Variants in PCDHGA12 observed in about 807,000 individuals in gnomAD.
PCDHGA12 encodes protocadherin gamma-A12.
A neutral mutation model predicts 61.1 loss-of-function variants in PCDHGA12; 43 were observed. That is an observed-to-expected ratio of 0.70 (90% confidence interval 0.55 to 0.91). The LOEUF is 0.91. PCDHGA12 is among the 40% of genes least tolerant of loss of function. The probability of loss-of-function intolerance (pLI) is 0.00; values close to 1 mark genes in which losing one functional copy is unlikely to be tolerated. For missense variants in PCDHGA12, 1,236 were observed against 1,227.7 expected (o/e 1.01, Z -0.10); for synonymous variants, 520 against 542.9 (o/e 0.96, Z 0.59).
At chr5:141,472,408 G>T (rs780468341) in intron 1 of PCDHGA12, among the ~76,000 whole-genome samples, 1 of 152,064 alleles carries the variant, frequency 6.6e-6, no homozygotes, top group Non-Finnish European at 1.5e-5. Flanking sequence ...AGGCGTGGTG[G>T]CACGCACCTG....
intron 1 of PCDHGA12, chr5:141,478,777 C>T: frequency 6.7e-7 from 1 of 1,488,806 alleles, no homozygotes. Context: ...CATCTGTGGA[C>T]CTAATTCACA....
Position 141,476,443 on chromosome 5 carries a change from G to A in PCDHGA12, c.2425-18364G>A, listed in dbSNP as rs752285213. 1 of 1,614,044 alleles carries A rather than the reference G, an allele frequency of 6.2e-7. No individual in the cohort carries two copies. The highest frequency in any genetic ancestry group is 8.5e-7 in the Non-Finnish European group (1 of 1,180,038). ...TGCCCTCTTGCACTGTAACTCTGGAGTTGGTAGTGGAGAACCCGCTGGAGC... is the reference window on the plus strand; with the variant it reads ...TGCCCTCTTGCACTGTAACTCTGGAATTGGTAGTGGAGAACCCGCTGGAGC... On this transcript the variant is annotated intron_variant, in intron 1 of 3. Transcript: ENST00000252085. This position sits in a 1 kb window ranked among gnomAD's most constrained non-coding sequence, Gnocchi z 7.6.
At chr5:141,461,740 G>T (rs770518286) in intron 1 of PCDHGA12, among the ~76,000 whole-genome samples, 1 of 152,072 alleles carries the variant, frequency 6.6e-6, no homozygotes, top group African/African-American at 2.4e-5. Context: ...GCACAATCCC[G>T]GCTCCCAGAT....
chr5:141,463,764 G>A (rs2099069094), intron 1 of PCDHGA12, among the ~76,000 whole-genome samples: 1 of 151,916 alleles, frequency 6.6e-6, no homozygotes. Flanking sequence ...TTCTCTTATG[G>A]GTTAGAATCC....
In PCDHGA12 at chr5:141,476,659, G is replaced by A; in HGVS notation, c.2425-18148G>A. On this transcript the variant is annotated intron_variant, in intron 1 of 3. Coordinates refer to ENST00000252085, the MANE Select transcript of PCDHGA12 (RefSeq NM_003735.3). The surrounding 1 kb of genome is among the most constrained non-coding windows in gnomAD (Gnocchi z 7.6). ...AGCTGAGCCGAAATGAATACTTTGC[G>A]CTTCGCGTGCAGACGCGGGAGGACA... 2 of 1,614,252 alleles carry A rather than the reference G, an allele frequency of 1.2e-6. No homozygotes were observed. Among genetic ancestry groups the A allele is most frequent in the Non-Finnish European group, 8.5e-7 (1 of 1,180,048 alleles).
chr5:141,434,253 G>C (rs979768901), intron 1 of PCDHGA12, among the ~76,000 whole-genome samples: 9 of 152,198 alleles, frequency 5.9e-5, no homozygotes, highest in Non-Finnish European at 1.3e-4. Flanking sequence ...CTTGGGCATT[G>C]TGGGGGAGGT....
chr5:141,507,937 A>T (rs2154594220), intron 3 of PCDHGA12: 1 of 152,420 alleles, frequency 6.6e-6, no homozygotes, highest in Admixed American at 6.5e-5. Context: ...AGAGGGGTTA[A>T]GTAAGAGGGA....
At chr5:141,471,073 G>A (rs2099249169) in intron 1 of PCDHGA12, among the ~76,000 whole-genome samples, 2 of 143,298 alleles carry the variant, frequency 1.4e-5, no homozygotes, top group Non-Finnish European at 3.0e-5. Flanking sequence ...TTTTGAGACA[G>A]GGTCTCCCTC....
In PCDHGA12 at chr5:141,489,993, C is replaced by T. The variant is rs1413894892; in HGVS notation, c.2425-4814C>T. 18 of 1,614,186 alleles carry T rather than the reference C, an allele frequency of 1.1e-5. No individual in the cohort carries two copies. The highest frequency in any genetic ancestry group is 1.5e-5 in the Non-Finnish European group (18 of 1,179,990). On this transcript the variant is annotated intron_variant, in intron 1 of 3. Transcript: ENST00000252085. The surrounding 1 kb of genome is among the most constrained non-coding windows in gnomAD (Gnocchi z 4.5). ...AATCCTCAGTTCTACGTGTGGGAAT[C>T]CCAGAGAATGCACCCATTGGTACTC...
chr5:141,487,397 G>C lies in PCDHGA12; in HGVS notation c.2425-7410G>C. On this transcript the variant is annotated intron_variant, in intron 1 of 3. Coordinates refer to ENST00000252085, the MANE Select transcript of PCDHGA12 (RefSeq NM_003735.3). The surrounding 1 kb of genome is among the most constrained non-coding windows in gnomAD (Gnocchi z 5.0). ...TCTCACCAGATCTCGAAGGAGGGAG[G>C]GGCTTCCCCCTTCCAATGGGATCCT... The C allele has an allele frequency of 6.2e-7, 1 of 1,614,062 alleles. No homozygotes were observed. The highest frequency in any genetic ancestry group is 8.5e-7 in the Non-Finnish European group (1 of 1,180,008).
rs1404656316 is a variant in PCDHGA12 at position 141,486,648 on chromosome 5, A to G, written c.2425-8159A>G. 6.2e-7 allele frequency: 1 copy of G among 1,613,298 alleles called. No individual in the cohort carries two copies. The highest frequency in any genetic ancestry group is 8.5e-7 in the Non-Finnish European group (1 of 1,179,892). The stretch of plus-strand genomic sequence containing the variant: ...TCTGGCTTGAATGCGCTTATCTCCT[A>G]CTCACTCCTGGAGCCCAGGAATCGA... On this transcript the variant is annotated intron_variant, in intron 1 of 3. Coordinates refer to ENST00000252085, the MANE Select transcript of PCDHGA12 (RefSeq NM_003735.3). This position sits in a 1 kb window ranked among gnomAD's most constrained non-coding sequence, Gnocchi z 5.0.
intron 1 of PCDHGA12, among the ~76,000 whole-genome samples, chr5:141,459,831 G>T (rs907978430): frequency 1.3e-5 from 2 of 152,150 alleles, no homozygotes; most frequent in Non-Finnish European, 2.9e-5. Context: ...CTTTTCATGT[G>T]TTGTCTATTT....
At chr5:141,498,632 A>G (rs2099784830) in intron 2 of PCDHGA12, among the ~76,000 whole-genome samples, 1 of 152,118 alleles carries the variant, frequency 6.6e-6, no homozygotes, top group South Asian at 2.1e-4. Context: ...CACTGCCTAG[A>G]CAGAAGGAAG....
chr5:141,434,650 C>A (rs931043426), intron 1 of PCDHGA12, among the ~76,000 whole-genome samples: 6 of 152,092 alleles, frequency 3.9e-5, no homozygotes, highest in Non-Finnish European at 5.9e-5. Context: ...TTTAGTTAAT[C>A]TAATATCTAT....
intron 1 of PCDHGA12, among the ~76,000 whole-genome samples, chr5:141,461,616 T>A (rs1399885412): frequency 6.6e-6 from 1 of 152,236 alleles, no homozygotes; most frequent in African/African-American, 2.4e-5. Context: ...CAAAGTATTT[T>A]CTAATACACC....
chr5:141,476,196 A>G lies in PCDHGA12; in HGVS notation c.2425-18611A>G, dbSNP rs2099386612. The G allele has an allele frequency of 6.2e-7, 1 of 1,613,852 alleles. No individual in the cohort carries two copies. Among genetic ancestry groups the G allele is most frequent in the South Asian group, 1.1e-5 (1 of 91,074 alleles). ...GTTTTGCTTCTGCTTGGTGCCTTGA[A>G]CAAGGCTTCCACGGTCATTCACTAT... On this transcript the variant is annotated intron_variant, in intron 1 of 3. Coordinates refer to ENST00000252085, the MANE Select transcript of PCDHGA12 (RefSeq NM_003735.3). This position sits in a 1 kb window ranked among gnomAD's most constrained non-coding sequence, Gnocchi z 7.6.
intron 1 of PCDHGA12, among the ~76,000 whole-genome samples, chr5:141,447,640 G>A (rs184184100): frequency 6.6e-6 from 1 of 152,198 alleles, no homozygotes; most frequent in Admixed American, 6.5e-5. Flanking sequence ...TATGAATGAT[G>A]GTAGAATTTT....
Position 141,432,923 on chromosome 5 carries a change from T to C in PCDHGA12, c.2164T>C (p.Ser722Pro). Reference protein sequence around the residue: ...LALRLRRWHKSRLLQASGGGL... With the variant: ...LALRLRRWHKPRLLQASGGGL... ...GCTCAGGCTGCGGCGCTGGCACAAG[T>C]CACGCCTGCTGCAGGCTTCAGGAGG... The change falls in exon 1 of 4, where the codon TCA becomes CCA. Residue 722 changes from serine to proline, a missense_variant. Ser to Pro is a moderately conservative substitution (Grantham distance 74). Coordinates refer to ENST00000252085, the MANE Select transcript of PCDHGA12 (RefSeq NM_003735.3). This position sits in a 1 kb window ranked among gnomAD's most constrained non-coding sequence, Gnocchi z 6.0. The C allele has an allele frequency of 6.2e-7, 1 of 1,614,186 alleles. No homozygotes were observed. Among genetic ancestry groups the C allele is most frequent in the Non-Finnish European group, 8.5e-7 (1 of 1,180,034 alleles).
chr5:141,472,494 C>T (rs561045783), intron 1 of PCDHGA12, among the ~76,000 whole-genome samples: 9 of 151,168 alleles, frequency 6.0e-5, no homozygotes, highest in South Asian at 2.1e-4. Context: ...GAGACGAGAT[C>T]GTGCCACTGC....
Sources: gnomAD v4.1 joint callset for allele counts (sites outside exome capture counted in the v4.1 genomes callset) on GRCh38, gnomAD v4.1.1 for gene constraint, Gnocchi (gnomAD v3.1) non-coding constraint, MANE v1.5 for transcripts, NCBI Gene and HGNC (gene_info 2026-07-23, HGNC 2026-07-21) for gene names.